Variants in SLX4IP observed in about 807,000 individuals in gnomAD.
The protein encoded by SLX4IP is SLX4 interacting protein.
In SLX4IP, 34 loss-of-function variants were observed where a neutral mutation model predicts 32.9. The ratio of observed to expected loss-of-function variants is 1.03; its 90% CI spans 0.79 to 1.38. The LOEUF (loss-of-function observed/expected upper bound fraction) is 1.38. SLX4IP is among the 40% of genes most tolerant of loss of function. The pLI, the probability that SLX4IP is intolerant of heterozygous loss-of-function variation, is 0.00. For synonymous variants in SLX4IP, 172 were observed against 171.7 expected, an observed-to-expected ratio of 1.00 and a Z score of -0.01; for missense variants, 444 against 479.0, an observed-to-expected ratio of 0.93 and a Z score of 0.68.
chr20:10,504,822 G>A (rs941484579), intron 2 of SLX4IP, among the ~76,000 whole-genome samples: 1 of 152,082 alleles, frequency 6.6e-6, no homozygotes, highest in Non-Finnish European at 1.5e-5. Flanking sequence ...GAACTGTGGC[G>A]GCTCCATACC....
chr20:10,545,162 G>C (rs2066150077), intron 2 of SLX4IP, among the ~76,000 whole-genome samples: 1 of 152,102 alleles, frequency 6.6e-6, no homozygotes, highest in South Asian at 2.1e-4. Context: ...GCTCTAGTGG[G>C]TAAATATCCC....
intron 1 of SLX4IP, among the ~76,000 whole-genome samples, chr20:10,439,490 G>C (rs1291937631): frequency 6.6e-6 from 1 of 152,232 alleles, no homozygotes; most frequent in African/African-American, 2.4e-5. Context: ...GATTACAAGT[G>C]TGAGCCACGG....
chr20:10,616,114 C>A (rs2067025410), intron 6 of SLX4IP, among the ~76,000 whole-genome samples: 1 of 152,158 alleles, frequency 6.6e-6, no homozygotes, highest in South Asian at 2.1e-4. Context: ...CTTCCTTCAT[C>A]CAGTTATTTA....
intron 2 of SLX4IP, among the ~76,000 whole-genome samples, chr20:10,475,649 T>C (rs180794935): frequency 3.3e-5 from 5 of 152,320 alleles, no homozygotes; most frequent in Admixed American, 1.3e-4. Flanking sequence ...TTGCAGAAGA[T>C]AGTGGCTCCT....
chr20:10,453,307 CGTGT>C (rs1555805264), intron 1 of SLX4IP, among the ~76,000 whole-genome samples: 1 of 142,884 alleles, frequency 7.0e-6, no homozygotes, highest in African/African-American at 2.7e-5. Flanking sequence ...AAAACTCATC[CGTGT>C]GTGTGTGTGT....
chr20:10,466,447 T>TC (rs1005317811), intron 2 of SLX4IP, among the ~76,000 whole-genome samples: 3 of 152,008 alleles, frequency 2.0e-5, no homozygotes, highest in African/African-American at 4.8e-5. Flanking sequence ...CTGCTTCCCT[T>TC]CCCCCCCAAC....
intron 6 of SLX4IP, among the ~76,000 whole-genome samples, chr20:10,609,386 G>A (rs968491223): frequency 6.6e-6 from 1 of 152,194 alleles, no homozygotes; most frequent in Non-Finnish European, 1.5e-5. Context: ...CACAAAAGCT[G>A]TTACTATCAT....
chr20:10,534,724 C>T (rs544864470), intron 2 of SLX4IP, among the ~76,000 whole-genome samples: 56 of 152,172 alleles, frequency 3.7e-4, no homozygotes, highest in African/African-American at 1.2e-3. Context: ...TGGAGCAGAG[C>T]ACAGGGGACA....
chr20:10,555,245 C>A (rs1285895687), intron 2 of SLX4IP, among the ~76,000 whole-genome samples: 1 of 151,462 alleles, frequency 6.6e-6, no homozygotes, highest in South Asian at 2.1e-4. Flanking sequence ...AAAAACTGAA[C>A]CTCTGAGTCT....
intron 6 of SLX4IP, among the ~76,000 whole-genome samples, chr20:10,616,574 T>A (rs1232600): frequency 6.6e-6 from 1 of 151,672 alleles, no homozygotes; most frequent in Non-Finnish European, 1.5e-5. Flanking sequence ...TCCTGCTTCC[T>A]GACCTCTTCC....
chr20:10,522,718 G>A (rs1474579713), intron 2 of SLX4IP, among the ~76,000 whole-genome samples: 1 of 152,148 alleles, frequency 6.6e-6, no homozygotes, highest in Non-Finnish European at 1.5e-5. Context: ...TACTGGTCCT[G>A]TTTCTCACAG....
chr20:10,469,436 A>G (rs552443897), intron 2 of SLX4IP, among the ~76,000 whole-genome samples: 27 of 152,332 alleles, frequency 1.8e-4, no homozygotes, highest in Non-Finnish European at 3.7e-4. Context: ...ATGACAATCC[A>G]TAGAATTTGC....
intron 4 of SLX4IP, among the ~76,000 whole-genome samples, chr20:10,587,165 G>C (rs2066655503): frequency 1.3e-5 from 2 of 152,028 alleles, no homozygotes; most frequent in East Asian, 3.8e-4. Flanking sequence ...AGCTAAATTT[G>C]GCAATATAGA....
At chr20:10,469,547 C>T (rs6039964) in intron 2 of SLX4IP, among the ~76,000 whole-genome samples, 74,381 of 151,416 alleles carry the variant, frequency 0.49, 19,684 homozygotes, top group Non-Finnish European at 0.6. Flanking sequence ...GACCTTGATA[C>T]TTTTAATTTT....
intron 4 of SLX4IP, among the ~76,000 whole-genome samples, chr20:10,585,006 G>A (rs1300752461): frequency 2.0e-5 from 3 of 152,126 alleles, no homozygotes; most frequent in Admixed American, 6.5e-5. Context: ...AAAAGAAAAA[G>A]CAGAAAGCAA....
At chr20:10,615,087 T>A (rs187057704) in intron 6 of SLX4IP, among the ~76,000 whole-genome samples, 12 of 152,300 alleles carry the variant, frequency 7.9e-5, no homozygotes, top group Admixed American at 3.9e-4. Context: ...TTAATGGGTC[T>A]GTAGAAAATT....
At chr20:10,602,307 T>C (rs1272177029) in intron 6 of SLX4IP, among the ~76,000 whole-genome samples, 2 of 150,552 alleles carry the variant, frequency 1.3e-5, no homozygotes, top group African/African-American at 4.9e-5. Flanking sequence ...TCTCTCTCTC[T>C]GTCTCTCTGT....
intron 2 of SLX4IP, among the ~76,000 whole-genome samples, chr20:10,461,967 G>T (rs2122348924): frequency 6.6e-6 from 1 of 152,032 alleles, no homozygotes; most frequent in Admixed American, 6.5e-5. Flanking sequence ...TTAAATTTTT[G>T]TAGAGATGGA....
intron 4 of SLX4IP, among the ~76,000 whole-genome samples, chr20:10,596,353 G>A (rs2066771225): frequency 6.6e-6 from 1 of 152,066 alleles, no homozygotes; most frequent in South Asian, 2.1e-4. Context: ...CACCTGAGCA[G>A]CTGGGACTAC....
Sources: gnomAD v4.1 joint callset for allele counts (sites outside exome capture counted in the v4.1 genomes callset) on GRCh38, gnomAD v4.1.1 for gene constraint, MANE v1.5 for transcripts, NCBI Gene and HGNC (gene_info 2026-07-23, HGNC 2026-07-21) for gene names.